PLCB4: variants seen among roughly 807,000 people sequenced by gnomAD.
PLCB4 encodes 1-phosphatidylinositol 4,5-bisphosphate phosphodiesterase beta-4.
In PLCB4, 77 loss-of-function variants were observed where a neutral mutation model predicts 178.8. The ratio of observed to expected loss-of-function variants is 0.43; its 90% confidence interval spans 0.36 to 0.52. The LOEUF is 0.52. Among genes scored for constraint, PLCB4 ranks in the 20% least tolerant of loss-of-function variants. The probability of loss-of-function intolerance (pLI) is 0.00; values close to 1 mark genes in which losing one functional copy is unlikely to be tolerated. For missense variants in PLCB4, 1,024 were observed against 1,453.4 expected, an observed-to-expected ratio of 0.70 and a Z score of 4.80; for synonymous variants, 496 against 490.8, an observed-to-expected ratio of 1.01 and a Z score of -0.14.
chr20:9,407,295 A>C lies in PLCB4; in HGVS notation c.1648-622A>C, dbSNP rs760641170. 5.0e-4 allele frequency among the ~76,000 whole-genome samples: 76 copies of C among 151,946 alleles called. 1 individual carries two copies. Among genetic ancestry groups the C allele is most frequent in the Non-Finnish European group, 7.8e-4 (53 of 67,960 alleles). ...TAATGTTCGAGAGTCACTATTTTTG[A>C]TGTTGTGCCTCAATTTGTAAAAATA... On this transcript the variant is annotated intron_variant, in intron 21 of 39. Coordinates refer to ENST00000378473, the MANE Select transcript of PLCB4 (RefSeq NM_001377142.1).
At chr20:9,199,651 C>T (rs1210518423) in intron 2 of PLCB4, among the ~76,000 whole-genome samples, 2 of 152,134 alleles carry the variant, frequency 1.3e-5, no homozygotes, top group Non-Finnish European at 2.9e-5. Context: ...TATTCTTAGT[C>T]TTGAAACACT....
chr20:9,338,778 G>A, intron 6 of PLCB4, 116 bp from the exon 7 acceptor site: 1 of 708,742 alleles, frequency 1.4e-6, no homozygotes, highest in Non-Finnish European at 2.4e-6. Flanking sequence ...ATAATGCTAG[G>A]TGTCTGGGCC....
Position 9,393,663 on chromosome 20 carries a change from C to G in PLCB4, c.1399C>G (p.Pro467Ala), listed in dbSNP as rs1426995009. The change falls in exon 18 of 40, where the codon CCT (proline) becomes GCT (alanine). Residue 467 changes from proline to alanine, a missense_variant. By Grantham distance (27) the Pro-to-Ala change is conservative. Around this residue, in one of 7 missense-constraint regions of PLCB4, gnomAD observed 263 missense variants for 417.4 expected, o/e 0.63. Transcript: ENST00000378473. ...ACTCATAAAAAACAAGCGGCTGAAACCTGAAGTTGAAAAAAGTAAGTGAAA... is the reference window on the plus strand; with the variant it reads ...ACTCATAAAAAACAAGCGGCTGAAAGCTGAAGTTGAAAAAAGTAAGTGAAA... ...KILIKNKRLKPEVEKKQLEAL... is the reference protein window; with the variant it reads ...KILIKNKRLKAEVEKKQLEAL... 4.3e-6 allele frequency: 7 copies of G among 1,609,550 alleles called. No individual in the cohort carries two copies. The African/African-American group carries it at 9.4e-5, about 22-fold the overall frequency.
chr20:9,409,401 C>T (rs1396292648), intron 24 of PLCB4, among the ~76,000 whole-genome samples: 1 of 151,564 alleles, frequency 6.6e-6, no homozygotes, highest in Non-Finnish European at 1.5e-5. Context: ...GAATTTAATT[C>T]CTTTCATAAA....
At chr20:9,134,520 C>A (rs928413276) in intron 2 of PLCB4, among the ~76,000 whole-genome samples, 3 of 151,928 alleles carry the variant, frequency 2.0e-5, no homozygotes, top group African/African-American at 7.3e-5. Context: ...AGCAGCTGAC[C>A]CGTCTTCATG....
At chr20:9,446,566 C>T (rs1368201496) in intron 32 of PLCB4, among the ~76,000 whole-genome samples, 3 of 152,122 alleles carry the variant, frequency 2.0e-5, no homozygotes, top group Admixed American at 1.3e-4. Context: ...TAATATACAC[C>T]GATGCCAGCT....
intron 2 of PLCB4, among the ~76,000 whole-genome samples, chr20:9,103,107 C>G (rs1284957056): frequency 1.3e-5 from 2 of 150,982 alleles, no homozygotes; most frequent in Non-Finnish European, 2.9e-5. Context: ...TCACTGCAAG[C>G]TCCACCTCCC....
chr20:9,299,629 G>C (rs553696397), intron 3 of PLCB4, among the ~76,000 whole-genome samples: 2 of 151,776 alleles, frequency 1.3e-5, no homozygotes, highest in African/African-American at 4.8e-5. Context: ...CTATTGTTAA[G>C]CAAATAACTA....
In PLCB4 at chr20:9,210,737, G is replaced by T. The variant is rs2093664006; in HGVS notation, c.-78-6653G>T. Among the ~76,000 whole-genome samples the T allele has an allele frequency of 3.3e-5, 5 of 152,308 alleles. No homozygotes were observed. In the South Asian group the frequency reaches 1.0e-3, roughly 32 times the overall value. On this transcript the variant is annotated intron_variant, in intron 2 of 39. Coordinates refer to ENST00000378473, the MANE Select transcript of PLCB4 (RefSeq NM_001377142.1). ...ATTCATATAAACATATATGTGGCCA[G>T]ATCAGGCCCATGGGCAGCCTCTCTG...
intron 2 of PLCB4, among the ~76,000 whole-genome samples, chr20:9,156,680 A>G (rs2092793549): frequency 6.6e-6 from 1 of 152,168 alleles, no homozygotes; most frequent in African/African-American, 2.4e-5. Context: ...TCTTTCAGGT[A>G]CATTTGACAT....
chr20:9,377,940 A>G (rs984606275), intron 12 of PLCB4, among the ~76,000 whole-genome samples: 12 of 152,184 alleles, frequency 7.9e-5, no homozygotes, highest in Non-Finnish European at 1.0e-4. Context: ...AACACAGATT[A>G]ATAGGTTCCA....
chr20:9,142,170 G>A (rs2092506058), intron 2 of PLCB4, among the ~76,000 whole-genome samples: 1 of 152,140 alleles, frequency 6.6e-6, no homozygotes, highest in South Asian at 2.1e-4. Flanking sequence ...ACACCTCCTG[G>A]GAGATGTTGT....
intron 17 of PLCB4, among the ~76,000 whole-genome samples, chr20:9,391,417 C>T (rs567508065): frequency 2.6e-5 from 4 of 152,276 alleles, no homozygotes; most frequent in Non-Finnish European, 5.9e-5. Flanking sequence ...CTGCTATTGA[C>T]AGCAGCACCT....
chr20:9,404,272 A>G (rs1003779108), intron 20 of PLCB4, among the ~76,000 whole-genome samples: 10 of 152,172 alleles, frequency 6.6e-5, no homozygotes, highest in Non-Finnish European at 1.2e-4. Context: ...TAGTGAAGAC[A>G]GTGGATGAAG....
intron 32 of PLCB4, among the ~76,000 whole-genome samples, chr20:9,445,875 C>T (rs1016448059): frequency 5.3e-5 from 8 of 152,120 alleles, no homozygotes; most frequent in South Asian, 2.1e-4. Context: ...AGTGGATGCC[C>T]GTATGCTGCA....
intron 2 of PLCB4, among the ~76,000 whole-genome samples, chr20:9,144,726 AG>A (rs2092563612): frequency 3.0e-4 from 2 of 6,652 alleles, no homozygotes; most frequent in South Asian, 0.038. Context: ...AAGAAGGGGA[AG>A]GAGGGGAAGG....
At chr20:9,269,533 G>A (rs143573930) in intron 3 of PLCB4, among the ~76,000 whole-genome samples, 1 of 152,208 alleles carries the variant, frequency 6.6e-6, no homozygotes, top group East Asian at 1.9e-4. Context: ...GAAAAATCTG[G>A]TAAACAGAAG....
At chr20:9,408,166 T>C in intron 22 of PLCB4, 108 bp downstream of exon 22, 1 of 879,630 alleles carries the variant, frequency 1.1e-6, no homozygotes, top group Admixed American at 2.4e-5. Context: ...GCATGGGGGC[T>C]GTTCCACCTC....
At chr20:9,137,837 T>C (rs1449683189) in intron 2 of PLCB4, among the ~76,000 whole-genome samples, 1 of 152,036 alleles carries the variant, frequency 6.6e-6, no homozygotes, top group Non-Finnish European at 1.5e-5. Context: ...CTGTATGTAT[T>C]TACAGAGGGC....
Sources: gnomAD v4.1 joint callset for allele counts (sites outside exome capture counted in the v4.1 genomes callset) on GRCh38, gnomAD v4.1.1 for gene constraint, gnomAD v4.1.1 regional missense constraint, MANE v1.5 for transcripts, NCBI Gene and HGNC (gene_info 2026-07-23, HGNC 2026-07-21) for gene names.